The following ITGA8 variants were observed in gnomAD, a reference collection of about 807,000 sequenced individuals.
ITGA8 encodes integrin subunit alpha 8.
In ITGA8, 91 loss-of-function variants were observed where a neutral mutation model predicts 142.3. That is an observed-to-expected ratio of 0.64 (90% CI 0.54 to 0.76). The LOEUF (loss-of-function observed/expected upper bound fraction) is 0.76, where lower values mean the gene tolerates loss of function less well. Among genes scored for constraint, ITGA8 ranks in the 30% least tolerant of loss-of-function variants. The pLI is 0.00. For synonymous variants in ITGA8, 505 were observed against 485.2 expected (o/e 1.04, Z -0.54); for missense variants, 1,406 against 1,327.7 (o/e 1.06, Z -0.92).
intron 2 of ITGA8, among the ~76,000 whole-genome samples, chr10:15,694,296 ATATATAT>A (rs1834997988): frequency 1.1e-5 from 1 of 93,588 alleles, no homozygotes; most frequent in African/African-American, 4.1e-5. Flanking sequence ...ATAATATATC[ATATATAT>A]GATAATATAT....
intron 27 of ITGA8, among the ~76,000 whole-genome samples, chr10:15,541,789 C>T (rs1833574407): frequency 6.6e-6 from 1 of 150,516 alleles, no homozygotes; most frequent in Non-Finnish European, 1.5e-5. Context: ...AACTTCCTAA[C>T]ACAACCTCAC....
At chr10:15,519,716 AC>A (rs1833022237) in intron 28 of ITGA8, among the ~76,000 whole-genome samples, 1 of 152,180 alleles carries the variant, frequency 6.6e-6, no homozygotes, top group African/African-American at 2.4e-5. Context: ...AATGGCCTTC[AC>A]TTGGGCTGGA....
chr10:15,606,237 C>A, intron 18 of ITGA8, 48 bp downstream of exon 18: 1 of 1,543,696 alleles, frequency 6.5e-7, no homozygotes, highest in Non-Finnish European at 8.9e-7. Flanking sequence ...AACAACACCC[C>A]AGAGAGCTTG....
chr10:15,623,321 C>T (rs7098652), intron 13 of ITGA8, among the ~76,000 whole-genome samples: 142,212 of 152,124 alleles, frequency 0.93, 67,072 homozygotes, highest in Non-Finnish European at 1. Flanking sequence ...CCACACTGGG[C>T]TCCTTTTTAC....
chr10:15,714,111 A>G (rs886394608), intron 2 of ITGA8, among the ~76,000 whole-genome samples: 1 of 152,126 alleles, frequency 6.6e-6, no homozygotes. Flanking sequence ...TTTTCCTCAA[A>G]CATTTTACTT....
At position 15,528,967 on chromosome 10, in the gene ITGA8, CTTCT is replaced by C. The variant is rs985563754; in HGVS notation, c.2982+2079_2982+2082del. Among the ~76,000 whole-genome samples the C allele has an allele frequency of 4.7e-5, 7 of 149,182 alleles. No homozygotes were observed. The East Asian group carries it at 5.9e-4, about 13-fold the overall frequency. ...CTCCCTTCCTTCCTTCCTTTCCTTC[CTTCT>C]TTCTTTCCTTCTTTCTTTCCTTCCT... On this transcript the variant is annotated intron_variant, in intron 28 of 29. Transcript: ENST00000378076.
rs550870899 is a variant in ITGA8 at position 15,716,010 on chromosome 10, C to A, written c.343+2756G>T. On this transcript the variant is annotated intron_variant, in intron 2 of 29. Coordinates refer to ENST00000378076, the MANE Select transcript of ITGA8 (RefSeq NM_003638.3). ...AATCAAGGTTTCTGGGCCCATAGTA[C>A]CCCCTGATGGCCGACATGGGGAACT... Among the ~76,000 whole-genome samples, 16 of 152,338 alleles carry A rather than the reference C, an allele frequency of 1.1e-4. No homozygotes were observed. The South Asian group carries it at 2.7e-3, about 26-fold the overall frequency.
chr10:15,672,627 G>C lies in ITGA8; in HGVS notation c.799C>G (p.Leu267Val). Residue 267 changes from leucine to valine, a missense_variant, in exon 7 of 30, where the codon CTT becomes GTT. Leu to Val is a conservative substitution (Grantham distance 32). Transcript: ENST00000378076. ...VAPASYDDSY[L>V]GYSVAAGEFT... is the part of the protein sequence containing the mutation. ...TGTCTTGGGCAATGGGTCTTACCAA[G>C]GTAACTGTCATCATAGGAAGCTGGA... The C allele has an allele frequency of 6.2e-7, 1 of 1,612,738 alleles. No individual in the cohort carries two copies. Among genetic ancestry groups the C allele is most frequent in the African/African-American group, 1.3e-5 (1 of 74,974 alleles).
intron 20 of ITGA8, among the ~76,000 whole-genome samples, chr10:15,599,961 C>T (rs1833075560): frequency 6.6e-6 from 1 of 151,990 alleles, no homozygotes; most frequent in Non-Finnish European, 1.5e-5. Flanking sequence ...CAAACAGGGG[C>T]CTGGACCTAA....
At chr10:15,552,422 G>A (rs917422603) in intron 26 of ITGA8, among the ~76,000 whole-genome samples, 8 of 152,102 alleles carry the variant, frequency 5.3e-5, no homozygotes, top group African/African-American at 1.4e-4. Context: ...ACAAGCATGA[G>A]ACACTACACC....
At chr10:15,551,359 A>G (rs1833790615) in intron 26 of ITGA8, among the ~76,000 whole-genome samples, 2 of 152,130 alleles carry the variant, frequency 1.3e-5, no homozygotes, top group African/African-American at 4.8e-5. Flanking sequence ...AGAAGAGACC[A>G]TCCAAATGGC....
At chr10:15,601,766 A>C (rs1035070500) in intron 20 of ITGA8, among the ~76,000 whole-genome samples, 4 of 152,246 alleles carry the variant, frequency 2.6e-5, no homozygotes, top group African/African-American at 9.6e-5. Context: ...GTTTTCAACA[A>C]AACAATAGCC....
At chr10:15,570,643 G>C (rs1003057203) in intron 25 of ITGA8, among the ~76,000 whole-genome samples, 4 of 144,238 alleles carry the variant, frequency 2.8e-5, no homozygotes, top group Non-Finnish European at 4.5e-5. Flanking sequence ...AAGAGAATAA[G>C]TGGGGAGTAG....
At chr10:15,707,579 T>C (rs376350893) in intron 2 of ITGA8, among the ~76,000 whole-genome samples, 28 of 152,176 alleles carry the variant, frequency 1.8e-4, no homozygotes, top group African/African-American at 5.8e-4. Context: ...TCCCAGCACA[T>C]TGGGAGGCCG....
intron 10 of ITGA8, among the ~76,000 whole-genome samples, chr10:15,657,543 T>C (rs1588702997): frequency 7.9e-6 from 1 of 126,904 alleles, no homozygotes; most frequent in Non-Finnish European, 1.6e-5. Flanking sequence ...ACAGAGACAG[T>C]GGTCTCACTA....
chr10:15,551,893 C>G (rs1190424225), intron 26 of ITGA8, among the ~76,000 whole-genome samples: 1 of 151,974 alleles, frequency 6.6e-6, no homozygotes, highest in East Asian at 1.9e-4. Flanking sequence ...TATGTGTTAA[C>G]AAAACCAGAT....
intron 4 of ITGA8, 49 bp from the exon 5 acceptor site, chr10:15,678,832 T>A (rs760741261): frequency 8.4e-7 from 1 of 1,187,328 alleles, no homozygotes; most frequent in Admixed American, 1.9e-5. Flanking sequence ...ATTCCTGAAA[T>A]ATTTTTTAAT....
At chr10:15,552,498 A>G (rs960565572) in intron 26 of ITGA8, among the ~76,000 whole-genome samples, 1 of 152,016 alleles carries the variant, frequency 6.6e-6, no homozygotes, top group African/African-American at 2.4e-5. Context: ...TTTCAGAGGG[A>G]TTTTTCCCAT....
intron 28 of ITGA8, among the ~76,000 whole-genome samples, chr10:15,525,943 G>C (rs1221041198): frequency 6.6e-6 from 1 of 151,960 alleles, no homozygotes; most frequent in Admixed American, 6.6e-5. Context: ...ATTTTTAATG[G>C]TTAAAGTGAA....
Sources: allele counts gnomAD v4.1 joint callset (sites outside exome capture counted in the v4.1 genomes callset), GRCh38; gene constraint gnomAD v4.1.1; transcripts MANE v1.5; gene names NCBI Gene and HGNC (gene_info 2026-07-23, HGNC 2026-07-21).